Variants in CLIP1 observed in about 807,000 individuals in gnomAD.
The protein encoded by CLIP1 is CAP-Gly domain-containing linker protein 1.
A neutral mutation model predicts 161.6 loss-of-function variants in CLIP1; 66 were observed. The ratio of observed to expected loss-of-function variants is 0.41; its 90% CI spans 0.33 to 0.50. The LOEUF (loss-of-function observed/expected upper bound fraction) is 0.50. Among genes scored for constraint, CLIP1 ranks in the 20% least tolerant of loss-of-function variants. The probability of loss-of-function intolerance (pLI) is 0.27; values close to 1 mark genes in which losing one functional copy is unlikely to be tolerated. For missense variants in CLIP1, 1,376 were observed against 1,702.0 expected, an observed-to-expected ratio of 0.81 and a Z score of 3.37; for synonymous variants, 598 against 626.2, an observed-to-expected ratio of 0.96 and a Z score of 0.67.
Position 122,333,067 on chromosome 12 carries a change from G to A in CLIP1, c.2787C>T (p.Asp929=). Residue 929 remains aspartate (D), a synonymous_variant, in exon 15 of 26, where the codon GAC becomes GAT. Coordinates refer to ENST00000620786, the MANE Select transcript of CLIP1 (RefSeq NM_001247997.2). The stretch of plus-strand genomic sequence containing the variant: ...CTGACATCTTCATTATTTCTGCAAT[G>A]TCATTTTCCAGTTTTTCCTTTGCCT... ...LIKAKEKLEN[D]IAEIMKMSGD... The A allele has an allele frequency of 6.2e-7, 1 of 1,613,552 alleles. No individual in the cohort carries two copies. The highest frequency in any genetic ancestry group is 8.5e-7 in the Non-Finnish European group (1 of 1,179,658).
At chr12:122,405,957 C>T (rs1956313550) in intron 1 of CLIP1, among the ~76,000 whole-genome samples, 2 of 151,972 alleles carry the variant, frequency 1.3e-5, no homozygotes, top group Non-Finnish European at 2.9e-5. Flanking sequence ...ATCCCAGCTA[C>T]TCAGAAGGCT....
chr12:122,408,457 T>C (rs1039974339), intron 1 of CLIP1, among the ~76,000 whole-genome samples: 9 of 152,016 alleles, frequency 5.9e-5, no homozygotes, highest in African/African-American at 2.2e-4. Context: ...CACGCCATTC[T>C]TCTGCCTCAG....
chr12:122,363,516 G>A (rs1953978382), intron 4 of CLIP1, among the ~76,000 whole-genome samples: 1 of 151,620 alleles, frequency 6.6e-6, no homozygotes. Flanking sequence ...AAAAAAGAAT[G>A]GGGTTATCCT....
chr12:122,276,292 C>T, intron 24 of CLIP1: 6 of 1,013,106 alleles, frequency 5.9e-6, no homozygotes, highest in Non-Finnish European at 7.7e-6. Flanking sequence ...CTTCACTTCT[C>T]AACGTGCATT....
intron 1 of CLIP1, among the ~76,000 whole-genome samples, chr12:122,384,850 G>A (rs1327352773): frequency 2.0e-5 from 3 of 149,662 alleles, no homozygotes; most frequent in Non-Finnish European, 4.4e-5. Flanking sequence ...TTCAGGCACA[G>A]GCACAAAGAA....
intron 24 of CLIP1, chr12:122,276,753 CAATTAT>C: frequency 8.2e-6 from 2 of 242,600 alleles, no homozygotes; most frequent in Non-Finnish European, 1.7e-5. Context: ...TTGCTATATA[CAATTAT>C]ATTTCCAAGT....
chr12:122,275,546 C>T (rs980429579), intron 24 of CLIP1: 7 of 151,804 alleles, frequency 4.6e-5, no homozygotes, highest in Middle Eastern at 3.2e-3. Context: ...AGGAGGCGGA[C>T]GTTGCAGTGA....
At chr12:122,389,784 G>A (rs368983936) in intron 1 of CLIP1, among the ~76,000 whole-genome samples, 12,804 of 63,306 alleles carry the variant, frequency 0.2, 50 homozygotes, top group Non-Finnish European at 0.27. Context: ...AAAAAAAAAA[G>A]AATTTATAAT....
chr12:122,405,924 C>G (rs892313945), intron 1 of CLIP1, among the ~76,000 whole-genome samples: 1 of 151,672 alleles, frequency 6.6e-6, no homozygotes, highest in African/African-American at 2.4e-5. Flanking sequence ...AAAAATTAGC[C>G]GGGCATGGCG....
At chr12:122,370,968 AAG>A (rs534221861) in intron 3 of CLIP1, among the ~76,000 whole-genome samples, 4,336 of 113,098 alleles carry the variant, frequency 0.038, 256 homozygotes, top group African/African-American at 0.14. Context: ...AAAAAAAAAA[AAG>A]AAAAAAAAAA....
At chr12:122,335,149 AC>A (rs1369285897) in intron 12 of CLIP1, among the ~76,000 whole-genome samples, 1 of 152,208 alleles carries the variant, frequency 6.6e-6, no homozygotes, top group Admixed American at 6.5e-5. Context: ...CTGTGTCGCT[AC>A]TTTTGAAACT....
chr12:122,403,155 A>G (rs899686040), intron 1 of CLIP1, among the ~76,000 whole-genome samples: 6 of 152,238 alleles, frequency 3.9e-5, no homozygotes, highest in Non-Finnish European at 5.9e-5. Context: ...AAAAGGGCAG[A>G]GAAATGTAAA....
At position 122,311,814 on chromosome 12, in the gene CLIP1, T is replaced by C. The variant is rs1951072752; in HGVS notation, c.3474-1932A>G. 1.3e-5 allele frequency among the ~76,000 whole-genome samples: 2 copies of C among 152,202 alleles called. No homozygotes were observed. Among genetic ancestry groups the C allele is most frequent in the Non-Finnish European group, 2.9e-5 (2 of 68,044 alleles). On this transcript the variant is annotated intron_variant, in intron 19 of 25. Coordinates refer to ENST00000620786, the MANE Select transcript of CLIP1 (RefSeq NM_001247997.2). This position sits in a 1 kb window ranked among gnomAD's most constrained non-coding sequence, Gnocchi z 4.3. ...AAGGAGGCTCATGTCATTTATGTTT[T>C]AATGAGAAGACTGAAGCTCCGGGAA...
chr12:122,374,745 G>A (rs1313242794), intron 3 of CLIP1, among the ~76,000 whole-genome samples: 1 of 152,118 alleles, frequency 6.6e-6, no homozygotes, highest in African/African-American at 2.4e-5. Context: ...CTGGGCAACA[G>A]AGCGAGACTC....
chr12:122,422,825 C>A (rs968528943), upstream of CLIP1, among the ~76,000 whole-genome samples: 3 of 150,002 alleles, frequency 2.0e-5, no homozygotes, highest in African/African-American at 7.3e-5. Flanking sequence ...CCACCGCGGC[C>A]CCGGGAGGAC....
chr12:122,327,998 A>C lies in CLIP1; in HGVS notation c.3198T>G (p.Ser1066Arg). Residue 1066 changes from serine (S) to arginine (R), a missense_variant, in exon 17 of 26, where the codon AGT (serine) becomes AGG (arginine). Physicochemically the swap from Ser to Arg is moderately radical, Grantham distance 110. Coordinates refer to ENST00000620786, the MANE Select transcript of CLIP1 (RefSeq NM_001247997.2). ...DKLKGAREEN[S>R]GLLQELEELR... ...GCTCCTCCAGCTCCTGCAGCAAGCC[A>C]CTGTTCTCCTCCCGTGCGCCCTTCA... The C allele has an allele frequency of 1.2e-6, 2 of 1,614,090 alleles. No homozygotes were observed. Among genetic ancestry groups the C allele is most frequent in the Non-Finnish European group, 1.7e-6 (2 of 1,180,002 alleles).
chr12:122,274,172 T>TA lies in CLIP1; in HGVS notation c.3967-11dup, dbSNP rs376224001. The TA allele has an allele frequency of 3.3e-3, 4,675 of 1,404,870 alleles. 1 individual carries two copies. Among genetic ancestry groups the TA allele is most frequent in the African/African-American group, 9.9e-3 (688 of 69,366 alleles). The allele number at this position is 1,404,870 out of a possible 1,614,324, so 87.0% of individuals were successfully genotyped here. On this transcript the variant is annotated splice_polypyrimidine_tract_variant and intron_variant, in intron 24 of 25. Transcript: ENST00000620786. ...AATTTAGGAAATCAATCTGATTTGT[T>TA]AAAAAAAAAATGTGTAAAATGTCAA...
At chr12:122,353,780 G>A (rs899291789) in intron 7 of CLIP1, among the ~76,000 whole-genome samples, 1 of 151,806 alleles carries the variant, frequency 6.6e-6, no homozygotes, top group African/African-American at 2.4e-5. Flanking sequence ...ACAGGCGCCC[G>A]CCAACAGGCC....
chr12:122,298,357 G>A (rs564515719), intron 20 of CLIP1, among the ~76,000 whole-genome samples: 273 of 152,168 alleles, frequency 1.8e-3, no homozygotes, highest in Non-Finnish European at 2.6e-3. Context: ...GCCTGTAATT[G>A]CAGCACTTTG....
Sources: gnomAD v4.1 joint callset for allele counts (sites outside exome capture counted in the v4.1 genomes callset) on GRCh38, gnomAD v4.1.1 for gene constraint, Gnocchi (gnomAD v3.1) non-coding constraint, MANE v1.5 for transcripts, NCBI Gene and HGNC (gene_info 2026-07-23, HGNC 2026-07-21) for gene names.